The following GPR149 variants were observed in gnomAD, a reference collection of about 807,000 sequenced individuals.
The protein encoded by GPR149 is probable G protein-coupled receptor 149.
GPR149 carries 50 observed loss-of-function variants against 50.2 expected under a neutral mutation model. The observed-to-expected ratio is 1.00, with a 90% confidence interval of 0.79 to 1.26. The LOEUF is 1.26. Among genes scored for constraint, GPR149 ranks in the 50% most tolerant of loss-of-function variants. GPR149 has a pLI of 0.00. For missense variants in GPR149, 983 were observed against 895.4 expected (o/e 1.10, Z -1.25); for synonymous variants, 405 against 358.2 (o/e 1.13, Z -1.48).
chr3:154,377,129 T>TA (rs1335117570), intron 3 of GPR149, among the ~76,000 whole-genome samples: 5 of 150,452 alleles, frequency 3.3e-5, no homozygotes, highest in Non-Finnish European at 5.9e-5. Context: ...ATTTATAAAG[T>TA]AAAAAGACGT....
At chr3:154,403,628 C>G (rs192800346) in intron 3 of GPR149, among the ~76,000 whole-genome samples, 1 of 152,126 alleles carries the variant, frequency 6.6e-6, no homozygotes. Flanking sequence ...GGGATCCTCC[C>G]AGCCTTGGAA....
In GPR149 at chr3:154,430,148, A is replaced by C. The variant is rs1436340090; in HGVS notation, c.-533T>G. On this transcript the variant is annotated 5_prime_UTR_variant, in exon 1 of 4. Transcript: ENST00000389740. Reference sequence around the variant, plus strand: ...GAGAGAGAGAGAGAGACAGAGAGAGAGAGAGAGAGGGCGAGCGCGAGCCAG... The same window carrying C: ...GAGAGAGAGAGAGAGACAGAGAGAGCGAGAGAGAGGGCGAGCGCGAGCCAG... Among the ~76,000 whole-genome samples, 8 of 151,798 alleles carry C rather than the reference A, an allele frequency of 5.3e-5. No homozygotes were observed. The East Asian group carries it at 1.6e-3, about 29-fold the overall frequency.
intron 3 of GPR149, among the ~76,000 whole-genome samples, chr3:154,351,134 T>C (rs543621709): frequency 5.3e-5 from 8 of 151,860 alleles, no homozygotes; most frequent in African/African-American, 1.9e-4. Flanking sequence ...GCTATAATAA[T>C]CAAAATTGAG....
intron 3 of GPR149, among the ~76,000 whole-genome samples, chr3:154,361,436 T>C (rs1714378462): frequency 6.6e-6 from 1 of 152,216 alleles, no homozygotes; most frequent in Admixed American, 6.5e-5. Flanking sequence ...TGTAACCTGA[T>C]TGATAGTGCT....
intron 3 of GPR149, among the ~76,000 whole-genome samples, chr3:154,395,528 C>T (rs947464575): frequency 3.6e-4 from 55 of 151,794 alleles, no homozygotes; most frequent in Admixed American, 7.9e-4. Flanking sequence ...TTAGCCCATG[C>T]CTGTAACCCT....
chr3:154,381,126 A>T (rs1171077361), intron 3 of GPR149, among the ~76,000 whole-genome samples: 3 of 152,308 alleles, frequency 2.0e-5, no homozygotes, highest in Middle Eastern at 3.4e-3. Context: ...AGCCTCCAAA[A>T]GGCAGTTAAG....
At chr3:154,365,621 G>C (rs1011920746) in intron 3 of GPR149, among the ~76,000 whole-genome samples, 1 of 152,092 alleles carries the variant, frequency 6.6e-6, no homozygotes, top group African/African-American at 2.4e-5. Context: ...GAAAAGCCAT[G>C]CACCACCCTG....
intron 3 of GPR149, among the ~76,000 whole-genome samples, chr3:154,369,002 G>C (rs954439327): frequency 1.3e-5 from 2 of 152,250 alleles, no homozygotes; most frequent in Non-Finnish European, 2.9e-5. Flanking sequence ...GGCAAGGGAA[G>C]TTTCCATCCC....
chr3:154,348,809 CCAA>C (rs1482511988), intron 3 of GPR149, among the ~76,000 whole-genome samples: 1 of 152,066 alleles, frequency 6.6e-6, no homozygotes, highest in East Asian at 1.9e-4. Context: ...GACACTCCAT[CCAA>C]CAACAACAGA....
At chr3:154,397,810 T>C (rs1189907613) in intron 3 of GPR149, among the ~76,000 whole-genome samples, 2 of 152,170 alleles carry the variant, frequency 1.3e-5, no homozygotes, top group Non-Finnish European at 2.9e-5. Context: ...AATTACTCAT[T>C]GACAAGTGAG....
intron 3 of GPR149, among the ~76,000 whole-genome samples, chr3:154,350,276 GAC>G (rs1195372612): frequency 5.9e-5 from 9 of 152,240 alleles, no homozygotes; most frequent in Admixed American, 3.3e-4. Flanking sequence ...ACTTGCAGAT[GAC>G]ATGATTGATT....
At chr3:154,378,058 G>T (rs1483599663) in intron 3 of GPR149, among the ~76,000 whole-genome samples, 1 of 148,576 alleles carries the variant, frequency 6.7e-6, no homozygotes, top group Non-Finnish European at 1.5e-5. Flanking sequence ...TGCTTAACAG[G>T]ATCTCATTAT....
chr3:154,390,132 C>T (rs1026968637), intron 3 of GPR149, among the ~76,000 whole-genome samples: 1 of 152,106 alleles, frequency 6.6e-6, no homozygotes, highest in African/African-American at 2.4e-5. Context: ...TGAGGATCCT[C>T]TCCTGTACAA....
At chr3:154,400,613 CT>C (rs113435537) in intron 3 of GPR149, among the ~76,000 whole-genome samples, 7,628 of 152,234 alleles carry the variant, frequency 0.05, 616 homozygotes, top group African/African-American at 0.17. Context: ...AGAGCCTCCC[CT>C]GATACCACTG....
chr3:154,372,061 G>A lies in GPR149; in HGVS notation c.1624-33790C>T, dbSNP rs915857453. On this transcript the variant is annotated intron_variant, in intron 3 of 3. Coordinates refer to ENST00000389740, the MANE Select transcript of GPR149 (RefSeq NM_001038705.3). ...ACCACAACTGCAGGGCCCCTTCTTCGCCCCTCATCAGCAGAAAGTAGCCAG... is the reference window on the plus strand; with the variant it reads ...ACCACAACTGCAGGGCCCCTTCTTCACCCCTCATCAGCAGAAAGTAGCCAG... Among the ~76,000 whole-genome samples, 19 of 151,848 alleles carry A rather than the reference G, an allele frequency of 1.3e-4. No individual in the cohort carries two copies. In the East Asian group the frequency reaches 2.7e-3, roughly 22 times the overall value.
chr3:154,424,934 A>T (rs1356805233), intron 2 of GPR149, among the ~76,000 whole-genome samples: 1 of 151,786 alleles, frequency 6.6e-6, no homozygotes, highest in African/African-American at 2.4e-5. Flanking sequence ...TTTGACATTT[A>T]GCTGTTTAAT....
In GPR149 at chr3:154,411,871, C is replaced by G. The variant is rs144747389; in HGVS notation, c.1623+9168G>C. Among the ~76,000 whole-genome samples the G allele has an allele frequency of 1.5e-3, 222 of 152,154 alleles. 2 individuals carry two copies. The highest frequency in any genetic ancestry group is 5.2e-3 in the African/African-American group (216 of 41,518). Reference sequence around the variant, plus strand: ...CTAGGAAGCCAGTATCATTCTAATACCAATACCAGGGAAGGACATAACAAA... The same window carrying G: ...CTAGGAAGCCAGTATCATTCTAATAGCAATACCAGGGAAGGACATAACAAA... On this transcript the variant is annotated intron_variant, in intron 3 of 3. Coordinates refer to ENST00000389740, the MANE Select transcript of GPR149 (RefSeq NM_001038705.3).
At chr3:154,421,858 A>G (rs895939393) in intron 2 of GPR149, among the ~76,000 whole-genome samples, 5 of 151,790 alleles carry the variant, frequency 3.3e-5, no homozygotes, top group Admixed American at 3.3e-4. Context: ...TTTTGGGATA[A>G]GAGATATTAT....
chr3:154,424,318 TTGAG>T (rs1712234357), intron 2 of GPR149, among the ~76,000 whole-genome samples: 2 of 151,912 alleles, frequency 1.3e-5, no homozygotes, highest in Non-Finnish European at 2.9e-5. Flanking sequence ...TATTTATTTA[TTGAG>T]TGAGTGAATT....
Sources: gnomAD v4.1 joint callset for allele counts (sites outside exome capture counted in the v4.1 genomes callset) on GRCh38, gnomAD v4.1.1 for gene constraint, MANE v1.5 for transcripts, NCBI Gene and HGNC (gene_info 2026-07-23, HGNC 2026-07-21) for gene names.